The following DCDC1 variants were observed in gnomAD, a reference collection of about 807,000 sequenced individuals.
The protein encoded by DCDC1 is doublecortin domain-containing protein 1.
In DCDC1, 200 loss-of-function variants were observed where a neutral mutation model predicts 178.3. That is an observed-to-expected ratio of 1.12 (90% CI 1.00 to 1.26). DCDC1 has a LOEUF of 1.26. Among genes scored for constraint, DCDC1 ranks in the 50% most tolerant of loss-of-function variants. DCDC1 has a pLI of 0.00. For missense variants in DCDC1, 1,983 were observed against 1,749.2 expected (o/e 1.13, Z -2.38); for synonymous variants, 690 against 604.8 (o/e 1.14, Z -2.07).
intron 20 of DCDC1, among the ~76,000 whole-genome samples, chr11:30,959,330 G>C (rs1275372550): frequency 6.6e-6 from 1 of 152,120 alleles, no homozygotes; most frequent in African/African-American, 2.4e-5. Context: ...CTAAGAGGTA[G>C]ACTGTACTGG....
intron 9 of DCDC1, among the ~76,000 whole-genome samples, chr11:31,223,586 T>G (rs139111867): frequency 6.8e-4 from 103 of 152,284 alleles, no homozygotes; most frequent in African/African-American, 2.4e-3. Context: ...ACAGTAAAAT[T>G]TGGAAAGACA....
At chr11:31,341,246 C>A (rs1950523237) in intron 1 of DCDC1, among the ~76,000 whole-genome samples, 1 of 152,150 alleles carries the variant, frequency 6.6e-6, no homozygotes, top group Non-Finnish European at 1.5e-5. Flanking sequence ...GGGAATTCAA[C>A]AACAGTGCCC....
intron 20 of DCDC1, among the ~76,000 whole-genome samples, chr11:31,058,039 A>G (rs1459539986): frequency 6.6e-6 from 1 of 152,118 alleles, no homozygotes; most frequent in Non-Finnish European, 1.5e-5. Flanking sequence ...CCCAGTGCCT[A>G]GGATACCATA....
chr11:31,083,119 G>C (rs1239776874), intron 17 of DCDC1, among the ~76,000 whole-genome samples: 2 of 152,118 alleles, frequency 1.3e-5, no homozygotes, highest in Non-Finnish European at 2.9e-5. Context: ...TTTTAACCTA[G>C]TCCGGTAATG....
At chr11:31,039,165 T>G (rs1422826338) in intron 20 of DCDC1, among the ~76,000 whole-genome samples, 2 of 152,162 alleles carry the variant, frequency 1.3e-5, no homozygotes, top group Non-Finnish European at 2.9e-5. Flanking sequence ...TGACAGGTAA[T>G]GTATGCTGTA....
intron 20 of DCDC1, among the ~76,000 whole-genome samples, chr11:30,953,865 T>C (rs1948586340): frequency 1.3e-5 from 2 of 152,032 alleles, no homozygotes; most frequent in Non-Finnish European, 2.9e-5. Flanking sequence ...AAAAATATAA[T>C]AGCAAATCTC....
chr11:31,154,290 A>G (rs1041024369), intron 9 of DCDC1, among the ~76,000 whole-genome samples: 7 of 152,176 alleles, frequency 4.6e-5, no homozygotes, highest in African/African-American at 1.7e-4. Context: ...TTATAGCAGT[A>G]TGAGAACAGA....
intron 11 of DCDC1, among the ~76,000 whole-genome samples, chr11:31,111,383 T>G (rs1355286625): frequency 6.6e-6 from 1 of 152,076 alleles, no homozygotes; most frequent in Admixed American, 6.6e-5. Context: ...ATAATGTGTT[T>G]CAATAACACT....
intron 18 of DCDC1, among the ~76,000 whole-genome samples, chr11:31,074,984 G>A (rs996736787): frequency 6.6e-6 from 1 of 152,088 alleles, no homozygotes; most frequent in African/African-American, 2.4e-5. Context: ...TGGAGTCTGG[G>A]CTTTTAGTGC....
intron 9 of DCDC1, among the ~76,000 whole-genome samples, chr11:31,144,172 T>C (rs1016869873): frequency 6.6e-6 from 1 of 152,224 alleles, no homozygotes; most frequent in African/African-American, 2.4e-5. Context: ...TCTTGCTCTG[T>C]TGTCCAGGCT....
At chr11:31,272,607 C>T (rs915066109) in intron 7 of DCDC1, among the ~76,000 whole-genome samples, 1 of 152,190 alleles carries the variant, frequency 6.6e-6, no homozygotes, top group East Asian at 1.9e-4. Flanking sequence ...AACAAATGGG[C>T]TACAGGCCCC....
chr11:31,230,591 T>C (rs1975641537), intron 9 of DCDC1, among the ~76,000 whole-genome samples: 1 of 152,140 alleles, frequency 6.6e-6, no homozygotes, highest in Non-Finnish European at 1.5e-5. Context: ...CAATCATCTC[T>C]GCAGTCAGAC....
chr11:30,912,521 G>A, intron 27 of DCDC1, among the ~76,000 whole-genome samples: 1 of 152,072 alleles, frequency 6.6e-6, no homozygotes, highest in Non-Finnish European at 1.5e-5. Flanking sequence ...GATCTCAGGT[G>A]ATCCTCCCAC....
chr11:31,062,902 C>T (rs889075175), intron 20 of DCDC1, among the ~76,000 whole-genome samples: 1 of 149,152 alleles, frequency 6.7e-6, no homozygotes, highest in Non-Finnish European at 1.5e-5. Flanking sequence ...CCCATTAACT[C>T]GTCATTTAGC....
chr11:30,947,527 T>C (rs559248235), intron 21 of DCDC1, among the ~76,000 whole-genome samples: 51 of 152,266 alleles, frequency 3.3e-4, no homozygotes, highest in African/African-American at 1.1e-3. Flanking sequence ...AGAATGAAAC[T>C]AGACCCCTAT....
chr11:31,064,901 C>T, intron 19 of DCDC1, 118 bp downstream of exon 19: 1 of 580,514 alleles, frequency 1.7e-6, no homozygotes, highest in Non-Finnish European at 3.0e-6. Context: ...TTAAACTATC[C>T]ATAACATTAA....
intron 11 of DCDC1, among the ~76,000 whole-genome samples, chr11:31,119,414 C>A (rs1960471342): frequency 1.3e-5 from 2 of 152,026 alleles, no homozygotes; most frequent in African/African-American, 4.8e-5. Context: ...ATTGTTTACT[C>A]AAATAATTTA....
chr11:31,261,223 C>T (rs544980953), intron 8 of DCDC1, among the ~76,000 whole-genome samples: 24 of 152,272 alleles, frequency 1.6e-4, no homozygotes, highest in African/African-American at 5.5e-4. Context: ...TTAATATCTT[C>T]TAAAGCAGCA....
rs1945813880 is a variant in DCDC1 at position 31,274,335 on chromosome 11, G to A, written c.961-8735C>T. Among the ~76,000 whole-genome samples, 5 of 152,146 alleles carry A rather than the reference G, an allele frequency of 3.3e-5. No individual in the cohort carries two copies. In the South Asian group the frequency reaches 1.0e-3, roughly 32 times the overall value. ...TATTGACTACTAATATCTCCCAAGT[G>A]CCTGGATATGGCAGTGAGCAAAACC... On this transcript the variant is annotated intron_variant, in intron 7 of 38. Transcript: ENST00000684477.
Sources: allele counts gnomAD v4.1 joint callset (sites outside exome capture counted in the v4.1 genomes callset), GRCh38; gene constraint gnomAD v4.1.1; transcripts MANE v1.5; gene names NCBI Gene and HGNC (gene_info 2026-07-23, HGNC 2026-07-21).